Variants in ARRB1 observed in about 807,000 individuals in gnomAD.
ARRB1 encodes beta-arrestin-1.
A neutral mutation model predicts 56.8 loss-of-function variants in ARRB1; 21 were observed. The observed-to-expected ratio is 0.37, with a 90% CI of 0.26 to 0.53. The LOEUF (loss-of-function observed/expected upper bound fraction) is 0.53. Ranked by LOEUF, ARRB1 falls within the 20% of genes least tolerant of loss-of-function variation. The pLI is 0.88. For missense variants in ARRB1, 424 were observed against 553.7 expected (o/e 0.77, Z 2.35); for synonymous variants, 210 against 218.6 (o/e 0.96, Z 0.35).
chr11:75,313,662 T>C (rs1346001108), intron 1 of ARRB1, among the ~76,000 whole-genome samples: 1 of 151,934 alleles, frequency 6.6e-6, no homozygotes, highest in African/African-American at 2.4e-5. Context: ...GCTGGCTGAG[T>C]GTTTGCCGGA....
Position 75,278,749 on chromosome 11 carries a change from T to C in ARRB1, c.483-5A>G, listed in dbSNP as rs768299441. 2 of 1,605,258 alleles carry C rather than the reference T, an allele frequency of 1.2e-6. No individual in the cohort carries two copies. The highest frequency in any genetic ancestry group is 1.7e-5 in the Admixed American group (1 of 59,092). The stretch of plus-strand genomic sequence containing the variant: ...ATGACCAGACGCACAGAATTCCTAA[T>C]GGAGATGGGCGGAGTGAAAGAGGAC... On this transcript the variant is annotated splice_polypyrimidine_tract_variant and splice_region_variant and intron_variant, in intron 7 of 15. Coordinates refer to ENST00000420843, the MANE Select transcript of ARRB1 (RefSeq NM_004041.5).
At chr11:75,341,859 C>T (rs1023950289) in intron 1 of ARRB1, among the ~76,000 whole-genome samples, 1 of 152,350 alleles carries the variant, frequency 6.6e-6, no homozygotes, top group South Asian at 2.1e-4. Flanking sequence ...CAACTGTCTT[C>T]CCTTCCCACC....
intron 1 of ARRB1, among the ~76,000 whole-genome samples, chr11:75,312,857 G>T (rs1240843793): frequency 2.6e-5 from 4 of 152,238 alleles, no homozygotes; most frequent in African/African-American, 7.2e-5. Flanking sequence ...CAAGGGAATG[G>T]ATCCCCGCTA....
At chr11:75,333,442 T>C (rs1391840945) in intron 1 of ARRB1, among the ~76,000 whole-genome samples, 1 of 152,158 alleles carries the variant, frequency 6.6e-6, no homozygotes, top group Non-Finnish European at 1.5e-5. Context: ...ATAGAATGAT[T>C]GGTGAACAAA....
At chr11:75,297,560 C>T (rs576932213) in intron 1 of ARRB1, among the ~76,000 whole-genome samples, 2 of 152,074 alleles carry the variant, frequency 1.3e-5, no homozygotes, top group African/African-American at 4.8e-5. Context: ...CCTCACATCA[C>T]GTACAAAAAT....
chr11:75,298,603 C>T (rs6592607), intron 1 of ARRB1, among the ~76,000 whole-genome samples: 34,728 of 151,954 alleles, frequency 0.23, 4,424 homozygotes, highest in African/African-American at 0.33. Context: ...AAAGTGGGGC[C>T]GTCACTTTGA....
At chr11:75,318,237 C>T (rs1947295201) in intron 1 of ARRB1, among the ~76,000 whole-genome samples, 1 of 148,786 alleles carries the variant, frequency 6.7e-6, no homozygotes, top group East Asian at 2.0e-4. Flanking sequence ...AATCATAGCT[C>T]ACTGCAGCCT....
At chr11:75,305,994 T>A (rs529331642) in intron 1 of ARRB1, among the ~76,000 whole-genome samples, 5 of 152,208 alleles carry the variant, frequency 3.3e-5, no homozygotes, top group African/African-American at 9.6e-5. Flanking sequence ...CCTTCACCTT[T>A]ACTCCCTCCT....
intron 1 of ARRB1, among the ~76,000 whole-genome samples, chr11:75,317,417 C>T (rs1947282312): frequency 6.6e-6 from 1 of 152,012 alleles, no homozygotes; most frequent in Non-Finnish European, 1.5e-5. Flanking sequence ...CCTCCCCCAA[C>T]CCCCGACGGC....
chr11:75,346,224 T>C (rs665702), intron 1 of ARRB1, among the ~76,000 whole-genome samples: 32,153 of 151,986 alleles, frequency 0.21, 3,585 homozygotes, highest in Non-Finnish European at 0.26. Flanking sequence ...GGGTCACCTC[T>C]TCAAAGAAGC....
intron 1 of ARRB1, among the ~76,000 whole-genome samples, chr11:75,321,980 C>T (rs1255856547): frequency 1.3e-5 from 2 of 152,162 alleles, no homozygotes; most frequent in Admixed American, 1.3e-4. Flanking sequence ...GAACACAGAG[C>T]GTTCCTACAA....
rs1423396361 is a variant in ARRB1 at position 75,262,478 on chromosome 11, C to G, written c.*3685G>C. 6.6e-6 allele frequency: 1 copy of G among 152,218 alleles called. No homozygotes were observed. Among genetic ancestry groups the G allele is most frequent in the Non-Finnish European group, 1.5e-5 (1 of 68,054 alleles). 9.4% of individuals were successfully genotyped at this position (152,218 alleles called of 1,614,324 possible). On this transcript the variant is annotated 3_prime_UTR_variant, in exon 16 of 16. Transcript: ENST00000420843. ...GTATCTCATTCTGGTTGACATCTGCCTAAGTGAGAAGCAGGGCAAGCGATG... is the reference window on the plus strand; with the variant it reads ...GTATCTCATTCTGGTTGACATCTGCGTAAGTGAGAAGCAGGGCAAGCGATG...
At chr11:75,301,884 A>C (rs1213662089) in intron 1 of ARRB1, among the ~76,000 whole-genome samples, 1 of 152,096 alleles carries the variant, frequency 6.6e-6, no homozygotes, top group African/African-American at 2.4e-5. Flanking sequence ...AGGACAGCCC[A>C]GGAGGGGGAA....
At chr11:75,313,686 A>G (rs1238681462) in intron 1 of ARRB1, among the ~76,000 whole-genome samples, 1 of 151,748 alleles carries the variant, frequency 6.6e-6, no homozygotes, top group Non-Finnish European at 1.5e-5. Context: ...ACTGAGATGA[A>G]ATGAAATCCC....
At chr11:75,298,157 G>C (rs1383253870) in intron 1 of ARRB1, among the ~76,000 whole-genome samples, 3 of 151,090 alleles carry the variant, frequency 2.0e-5, no homozygotes, top group African/African-American at 7.3e-5. Context: ...CGAGTTGATG[G>C]GTGCAGCAAA....
intron 7 of ARRB1, among the ~76,000 whole-genome samples, 196 bp from the exon 8 acceptor site, chr11:75,278,940 G>A: frequency 6.6e-6 from 1 of 152,212 alleles, no homozygotes; most frequent in East Asian, 1.9e-4. Flanking sequence ...TTCTGTCCCA[G>A]AAGTGCCCTG....
At chr11:75,275,885 T>C (rs534070533) in intron 10 of ARRB1, among the ~76,000 whole-genome samples, 2 of 152,202 alleles carry the variant, frequency 1.3e-5, no homozygotes, top group African/African-American at 2.4e-5. Context: ...TCTGCAGTGG[T>C]TGGGATTTTC....
In ARRB1 at chr11:75,332,180, G is replaced by A; in HGVS notation, c.20+19408C>T. 1.3e-5 allele frequency among the ~76,000 whole-genome samples: 2 copies of A among 151,676 alleles called. 1 individual carries two copies. The highest frequency in any genetic ancestry group is 2.9e-5 in the Non-Finnish European group (2 of 67,920). Reference sequence around the variant, plus strand: ...TCAGACTCAGTCTACCTGCACCCAGGTGATTAAAAAGCTTTATTGTTCACA... The same window carrying A: ...TCAGACTCAGTCTACCTGCACCCAGATGATTAAAAAGCTTTATTGTTCACA... On this transcript the variant is annotated intron_variant, in intron 1 of 15. Coordinates refer to ENST00000420843, the MANE Select transcript of ARRB1 (RefSeq NM_004041.5).
chr11:75,273,923 C>T (rs1235026552), intron 11 of ARRB1, 151 bp downstream of exon 11: 11 of 1,242,070 alleles, frequency 8.9e-6, no homozygotes, highest in Non-Finnish European at 1.2e-5. Flanking sequence ...GAGGCAGCTT[C>T]CCTGACAAGT....
Sources: allele counts gnomAD v4.1 joint callset (sites outside exome capture counted in the v4.1 genomes callset), GRCh38; gene constraint gnomAD v4.1.1; transcripts MANE v1.5; gene names NCBI Gene and HGNC (gene_info 2026-07-23, HGNC 2026-07-21).